Variants in ATP10A observed in about 807,000 individuals in gnomAD.
ATP10A encodes the protein phospholipid-transporting ATPase VA.
In ATP10A, 111 loss-of-function variants were observed where a neutral mutation model predicts 147.8. That is an observed-to-expected ratio of 0.75 (90% CI 0.64 to 0.88). ATP10A has a LOEUF of 0.88. ATP10A is among the 40% of genes least tolerant of loss of function. The pLI is 0.00. For missense variants in ATP10A, 1,927 were observed against 1,959.0 expected (o/e 0.98, Z 0.31); for synonymous variants, 875 against 841.6 (o/e 1.04, Z -0.69).
At chr15:25,731,802 C>T (rs1442206686) in intron 3 of ATP10A, among the ~76,000 whole-genome samples, 3 of 152,210 alleles carry the variant, frequency 2.0e-5, no homozygotes, top group African/African-American at 7.2e-5. Flanking sequence ...TTTCTGCCAG[C>T]TGGAGATATA....
chr15:25,775,176 G>A (rs1013880840), intron 2 of ATP10A, among the ~76,000 whole-genome samples: 4 of 152,196 alleles, frequency 2.6e-5, no homozygotes, highest in African/African-American at 4.8e-5. Context: ...AAGAGACTTG[G>A]GTACAAAAAC....
Position 25,859,547 on chromosome 15 carries a change from C to T in ATP10A, c.449+3101G>A, listed in dbSNP as rs114972936. ...GTGACGCTGGGTGGGTGGCCCTTCC[C>T]CCCTGCAGGCGCCACAGGCAGGACC... On this transcript the variant is annotated intron_variant, in intron 1 of 20. Coordinates refer to ENST00000555815, the MANE Select transcript of ATP10A (RefSeq NM_024490.4). Among the ~76,000 whole-genome samples the T allele has an allele frequency of 7.4e-3, 1,128 of 152,198 alleles. 19 individuals carry two copies. Among genetic ancestry groups the T allele is most frequent in the African/African-American group, 0.026 (1,060 of 41,530 alleles).
chr15:25,819,186 G>T (rs780996556), intron 1 of ATP10A, among the ~76,000 whole-genome samples: 41 of 152,006 alleles, frequency 2.7e-4, no homozygotes, highest in Non-Finnish European at 7.4e-5. Flanking sequence ...CCGCTGACAG[G>T]GGATTAACAT....
chr15:25,837,663 G>A (rs1304834070), intron 1 of ATP10A, among the ~76,000 whole-genome samples: 3 of 152,180 alleles, frequency 2.0e-5, no homozygotes, highest in Non-Finnish European at 4.4e-5. Context: ...CATCTAACAT[G>A]AACGAGCGCC....
chr15:25,676,041 C>T (rs1899130088), downstream of ATP10A, among the ~76,000 whole-genome samples: 1 of 152,184 alleles, frequency 6.6e-6, no homozygotes, highest in Admixed American at 6.5e-5. Flanking sequence ...TTTTGTGATC[C>T]ACAAATGTGC....
chr15:25,673,045 G>A (rs910690812), downstream of ATP10A, among the ~76,000 whole-genome samples: 1 of 152,152 alleles, frequency 6.6e-6, no homozygotes, highest in Non-Finnish European at 1.5e-5. Flanking sequence ...ACAGGGGCAA[G>A]GGCCAATGAG....
intron 10 of ATP10A, among the ~76,000 whole-genome samples, chr15:25,711,253 G>A (rs950889): frequency 0.22 from 33,231 of 151,934 alleles, 4,088 homozygotes; most frequent in Non-Finnish European, 0.27. Context: ...CTCTGAAGAG[G>A]GCATCAGATT....
At chr15:25,739,715 C>T (rs995814449) in intron 2 of ATP10A, among the ~76,000 whole-genome samples, 3 of 152,204 alleles carry the variant, frequency 2.0e-5, no homozygotes, top group Non-Finnish European at 4.4e-5. Flanking sequence ...GTGAAGGGTT[C>T]GCCCACTGCA....
intron 1 of ATP10A, among the ~76,000 whole-genome samples, chr15:25,816,467 CAT>C (rs1210333876): frequency 6.6e-6 from 1 of 152,128 alleles, no homozygotes; most frequent in African/African-American, 2.4e-5. Context: ...ATTGGTTCTA[CAT>C]ATGATATAAA....
chr15:25,685,427 T>C (rs1899658767), intron 16 of ATP10A, among the ~76,000 whole-genome samples: 1 of 152,176 alleles, frequency 6.6e-6, no homozygotes, highest in African/African-American at 2.4e-5. Context: ...GCATCTGAAG[T>C]GTTTAATGAT....
chr15:25,860,452 A>G (rs1219560334), intron 1 of ATP10A, among the ~76,000 whole-genome samples: 2 of 152,034 alleles, frequency 1.3e-5, no homozygotes, highest in Non-Finnish European at 2.9e-5. Flanking sequence ...TCCTCCTTCT[A>G]TTCCCAGGGC....
intron 12 of ATP10A, among the ~76,000 whole-genome samples, chr15:25,705,440 C>CAAAAAAAAAAAA (rs67294220): frequency 1.2e-5 from 1 of 86,190 alleles, no homozygotes; most frequent in African/African-American, 5.0e-5. Context: ...TGTCTCAAAG[C>CAAAAAAAAAAAA]AAAAAAAAAA....
At chr15:25,802,027 G>A (rs566886216) in intron 1 of ATP10A, among the ~76,000 whole-genome samples, 25 of 152,242 alleles carry the variant, frequency 1.6e-4, no homozygotes, top group Non-Finnish European at 2.8e-4. Context: ...TGGCCTACTT[G>A]GGTTTCAGCA....
intron 10 of ATP10A, among the ~76,000 whole-genome samples, chr15:25,712,457 A>G (rs1312445545): frequency 6.6e-6 from 1 of 152,046 alleles, no homozygotes; most frequent in Non-Finnish European, 1.5e-5. Context: ...TTCCCCTTAG[A>G]CATCACCCGT....
At chr15:25,776,606 C>T (rs1419408217) in intron 2 of ATP10A, among the ~76,000 whole-genome samples, 2 of 152,198 alleles carry the variant, frequency 1.3e-5, no homozygotes, top group Non-Finnish European at 2.9e-5. Context: ...CCAACTCTTA[C>T]ATCAAATCTT....
At chr15:25,774,644 G>C (rs1239859455) in intron 2 of ATP10A, among the ~76,000 whole-genome samples, 1 of 150,100 alleles carries the variant, frequency 6.7e-6, no homozygotes, top group Non-Finnish European at 1.5e-5. Context: ...TGATTTAATA[G>C]ACTATAAATT....
intron 3 of ATP10A, 39 bp from the exon 4 acceptor site, chr15:25,727,305 G>T: frequency 6.6e-7 from 1 of 1,525,972 alleles, no homozygotes; most frequent in Non-Finnish European, 9.1e-7. Context: ...GTGGTTGCAG[G>T]CCTGTGCCTC....
chr15:25,828,694 T>A lies in ATP10A; in HGVS notation c.449+33954A>T, dbSNP rs919302286. ...ATTTGTTATCATTTGTATTGCTTTA[T>A]CCAGTCATAAGCATTTCCATGTAAC... On this transcript the variant is annotated intron_variant, in intron 1 of 20. Coordinates refer to ENST00000555815, the MANE Select transcript of ATP10A (RefSeq NM_024490.4). Among the ~76,000 whole-genome samples the A allele has an allele frequency of 5.3e-5, 8 of 152,322 alleles. No individual in the cohort carries two copies. In the East Asian group the frequency reaches 1.5e-3, roughly 29 times the overall value.
At chr15:25,862,424 T>A (rs1244949128) in intron 1 of ATP10A, 25 of 655,132 alleles carry the variant, frequency 3.8e-5, no homozygotes, top group Non-Finnish European at 5.5e-5. Context: ...TCCCCACGCG[T>A]CCCCGCATCC....
Sources: allele counts gnomAD v4.1 joint callset (sites outside exome capture counted in the v4.1 genomes callset), GRCh38; gene constraint gnomAD v4.1.1; transcripts MANE v1.5; gene names NCBI Gene and HGNC (gene_info 2026-07-23, HGNC 2026-07-21).